The following GGT5 variants were observed in gnomAD, a reference collection of about 807,000 sequenced individuals.
GGT5 encodes gamma-glutamyltransferase 5, also known as glutathione hydrolase 5 proenzyme.
In GGT5, 50 loss-of-function variants were observed where a neutral mutation model predicts 58.1. The observed-to-expected ratio is 0.86, with a 90% CI of 0.69 to 1.09. The LOEUF is 1.09. GGT5 is among the 50% of genes least tolerant of loss of function. The probability of loss-of-function intolerance (pLI) is 0.00; values close to 1 mark genes in which losing one functional copy is unlikely to be tolerated. For synonymous variants in GGT5, 370 were observed against 346.1 expected (o/e 1.07, Z -0.77); for missense variants, 800 against 789.4 (o/e 1.01, Z -0.16).
intron 6 of GGT5, among the ~76,000 whole-genome samples, chr22:24,227,823 A>C (rs1440381864): frequency 6.6e-6 from 1 of 151,854 alleles, no homozygotes; most frequent in Admixed American, 6.6e-5. Context: ...GCACTTTGGG[A>C]GGCCGAGGCT....
At chr22:24,239,556 A>G (rs1280176168) in intron 1 of GGT5, among the ~76,000 whole-genome samples, 4 of 152,108 alleles carry the variant, frequency 2.6e-5, no homozygotes, top group Non-Finnish European at 1.5e-5. Context: ...GCTTGGCCAT[A>G]AGATTGTTGT....
At chr22:24,231,883 A>G (rs1005992856) in intron 5 of GGT5, among the ~76,000 whole-genome samples, 168 bp downstream of exon 5, 2 of 151,950 alleles carry the variant, frequency 1.3e-5, no homozygotes, top group Admixed American at 6.6e-5. Context: ...GAGGTCCTGG[A>G]CCACAGGGGT....
At chr22:24,231,363 G>A (rs1445557100) in intron 6 of GGT5, 21 bp downstream of exon 6, 2 of 1,524,242 alleles carry the variant, frequency 1.3e-6, no homozygotes, top group Admixed American at 3.9e-5. Flanking sequence ...TGGGCGCCAG[G>A]GCTCTGGGCA....
Position 24,225,543 on chromosome 22 carries a change from C to CA in GGT5, c.1336+2dup. 1 of 1,607,182 alleles carries CA rather than the reference C, an allele frequency of 6.2e-7. No homozygotes were observed. Among genetic ancestry groups the CA allele is most frequent in the Non-Finnish European group, 8.5e-7 (1 of 1,173,720 alleles). On this transcript the variant is annotated splice_region_variant and intron_variant, in intron 9 of 11. Transcript: ENST00000327365. ...GACCCCGGGTGGGAAGCTTTGTTCT[C>CA]ACCAGGTGAGGGGGTGGTGCCGGAA... is the stretch of plus-strand genomic sequence containing the variant.
At chr22:24,222,520 A>AGTCCCTGGGCCTTAGCTGTGAAG (rs1202311918) in intron 11 of GGT5, among the ~76,000 whole-genome samples, 8 of 152,142 alleles carry the variant, frequency 5.3e-5, no homozygotes, top group African/African-American at 1.7e-4. Context: ...TCCTCGCCCT[A>AGTCCCTGGGCCTTAGCTGTGAAG]GTCCCTGGGC....
chr22:24,237,293 C>T (rs1181327909), intron 1 of GGT5, among the ~76,000 whole-genome samples: 1 of 152,040 alleles, frequency 6.6e-6, no homozygotes, highest in African/African-American at 2.4e-5. Context: ...TAGGAGTCAA[C>T]TAGAAATAGA....
At chr22:24,234,893 G>A (rs2048052305) in intron 1 of GGT5, among the ~76,000 whole-genome samples, 1 of 151,938 alleles carries the variant, frequency 6.6e-6, no homozygotes, top group African/African-American at 2.4e-5. Context: ...TCTGTCCATG[G>A]GCAGCAAGAG....
Position 24,233,971 on chromosome 22 carries a change from A to T in GGT5, c.207T>A (p.Asp69Glu). ...TGCAGACCAGAGCCGCGATGGTGGC[A>T]TCCACGGGTGAGCCCTGCTGCTGGA... ...AILQQQGSPV[D>E]ATIAALVCTS... is the part of the protein sequence containing the mutation. Residue 69 changes from aspartate to glutamate, a missense_variant, in exon 2 of 12, where the codon GAT becomes GAA. Coordinates refer to ENST00000327365, the MANE Select transcript of GGT5 (RefSeq NM_004121.5). The T allele has an allele frequency of 6.2e-7, 1 of 1,613,354 alleles. No individual in the cohort carries two copies. Among genetic ancestry groups the T allele is most frequent in the South Asian group, 1.1e-5 (1 of 91,000 alleles).
chr22:24,231,683 T>C (rs113401846), intron 5 of GGT5, among the ~76,000 whole-genome samples, 153 bp from the exon 6 acceptor site: 6,711 of 152,190 alleles, frequency 0.044, 296 homozygotes, highest in African/African-American at 0.12. Context: ...GCCTCAGGAC[T>C]GGCCCCTTGG....
chr22:24,225,413 T>A lies in GGT5; in HGVS notation c.1337-2A>T. ...CTCCACCCACCCTGTCTCCACTCACTGCTGAGCAAACAGCGTCTTGGCAAG... is the reference window on the plus strand; with the variant it reads ...CTCCACCCACCCTGTCTCCACTCACAGCTGAGCAAACAGCGTCTTGGCAAG... On this transcript the variant is annotated splice_acceptor_variant, in intron 9 of 11. Transcript: ENST00000327365. LOFTEE classifies it high-confidence loss of function. 1 of 1,605,588 alleles carries A rather than the reference T, an allele frequency of 6.2e-7. No homozygotes were observed. Among genetic ancestry groups the A allele is most frequent in the Non-Finnish European group, 8.5e-7 (1 of 1,174,730 alleles).
At chr22:24,220,657 G>A (rs1269430785) in intron 11 of GGT5, 2 of 455,116 alleles carry the variant, frequency 4.4e-6, no homozygotes, top group South Asian at 3.1e-5. Flanking sequence ...AGCCACTTGG[G>A]AGCCAAGGTG....
At position 24,231,418 on chromosome 22, in the gene GGT5, A is replaced by AC; in HGVS notation, c.866dup (p.Ala290CysfsTer24). ...CGTTGAGGATAAAGCTGAGAATGGCACCCCCTGCAGGCGGCGGTGGTGAGT... is the reference window on the plus strand; with the variant it reads ...CGTTGAGGATAAAGCTGAGAATGGCACCCCCCTGCAGGCGGCGGTGGTGAGT... On this transcript the variant is annotated frameshift_variant, in exon 6 of 12. Transcript: ENST00000327365. LOFTEE classifies it high-confidence loss of function. 3.9e-6 allele frequency: 6 copies of AC among 1,552,842 alleles called. No homozygotes were observed. The highest frequency in any genetic ancestry group is 2.4e-5 in the East Asian group (1 of 40,988).
At chr22:24,238,968 T>A (rs1205719397) in intron 1 of GGT5, among the ~76,000 whole-genome samples, 2 of 79,822 alleles carry the variant, frequency 2.5e-5, no homozygotes, top group Non-Finnish European at 4.7e-5. Flanking sequence ...AATATATATA[T>A]AGCCCATGAC....
intron 1 of GGT5, among the ~76,000 whole-genome samples, chr22:24,238,816 TATA>T (rs552505357): frequency 0.069 from 1,193 of 17,408 alleles, 156 homozygotes; most frequent in South Asian, 0.14. Context: ...TAATATATTA[TATA>T]TATATATATA....
chr22:24,220,150 G>C, intron 11 of GGT5, 34 bp from the exon 12 acceptor site: 2 of 1,609,590 alleles, frequency 1.2e-6, no homozygotes, highest in Non-Finnish European at 1.7e-6. Flanking sequence ...CACAGGGGAG[G>C]GCAGCTCAGC....
chr22:24,221,796 G>T (rs551707733), intron 11 of GGT5, among the ~76,000 whole-genome samples: 2 of 151,592 alleles, frequency 1.3e-5, no homozygotes, highest in South Asian at 4.2e-4. Flanking sequence ...GGGAGCCACC[G>T]CGCGCAGCCA....
rs760188607 is a variant in GGT5 at position 24,226,706 on chromosome 22, G to A, written c.963C>T (p.His321=). The part of the protein sequence containing the change: ...RPEGRVNVYH[H]LVETLKFAKG... Reference sequence around the variant, plus strand: ...TGGCAAACTTGAGCGTCTCTACAAGGTGGTGGTACACGTTCACCCTCCCTT... The same window carrying A: ...TGGCAAACTTGAGCGTCTCTACAAGATGGTGGTACACGTTCACCCTCCCTT... The change falls in exon 7 of 12, where the codon CAC becomes CAT. Residue 321 remains histidine, a synonymous_variant. Transcript: ENST00000327365. 1.9e-6 allele frequency: 3 copies of A among 1,613,574 alleles called. No individual in the cohort carries two copies. Among genetic ancestry groups the A allele is most frequent in the Non-Finnish European group, 2.5e-6 (3 of 1,179,564 alleles).
chr22:24,225,542 T>C lies in GGT5; in HGVS notation c.1336+4A>G. On this transcript the variant is annotated splice_donor_region_variant and intron_variant, in intron 9 of 11. Coordinates refer to ENST00000327365, the MANE Select transcript of GGT5 (RefSeq NM_004121.5). ...GGACCCCGGGTGGGAAGCTTTGTTC[T>C]CACCAGGTGAGGGGGTGGTGCCGGA... The C allele has an allele frequency of 1.2e-6, 2 of 1,601,434 alleles. No individual in the cohort carries two copies. The highest frequency in any genetic ancestry group is 2.2e-5 in the East Asian group (1 of 44,806).
rs992317204 is a variant in GGT5, at chr22:24,236,124, G to A, written c.174-2120C>T. Among the ~76,000 whole-genome samples, 5 of 152,178 alleles carry A rather than the reference G, an allele frequency of 3.3e-5. No homozygotes were observed. In the South Asian group the frequency reaches 1.0e-3, roughly 31 times the overall value. ...ACACTTATACCCAGCTATGCACAAGGTACCCACTCTGGGTGTCTAAGAAAC... is the reference window on the plus strand; with the variant it reads ...ACACTTATACCCAGCTATGCACAAGATACCCACTCTGGGTGTCTAAGAAAC... On this transcript the variant is annotated intron_variant, in intron 1 of 11. Coordinates refer to ENST00000327365, the MANE Select transcript of GGT5 (RefSeq NM_004121.5).
Sources: allele counts gnomAD v4.1 joint callset (sites outside exome capture counted in the v4.1 genomes callset), GRCh38; gene constraint gnomAD v4.1.1; transcripts MANE v1.5; gene names NCBI Gene and HGNC (gene_info 2026-07-23, HGNC 2026-07-21).